VRK2: variants seen among roughly 807,000 people sequenced by gnomAD.
The protein encoded by VRK2 is serine/threonine-protein kinase VRK2.
Under a neutral mutation model 57.6 loss-of-function variants are expected in VRK2, and 60 were observed. The observed-to-expected ratio is 1.04, with a 90% CI of 0.85 to 1.29. The LOEUF is 1.29. Among genes scored for constraint, VRK2 ranks in the 50% most tolerant of loss-of-function variants. The pLI is 0.00. For synonymous variants in VRK2, 231 were observed against 199.2 expected, an observed-to-expected ratio of 1.16 and a Z score of -1.35; for missense variants, 705 against 588.1, an observed-to-expected ratio of 1.20 and a Z score of -2.06.
At chr2:58,031,068 T>G (rs1156728143) in intron 2 of VRK2, among the ~76,000 whole-genome samples, 4 of 152,214 alleles carry the variant, frequency 2.6e-5, no homozygotes, top group African/African-American at 7.2e-5. Flanking sequence ...ATTTTCCCTG[T>G]GCCCTTTTCA....
chr2:57,913,926 C>A (rs1358990062), intron 1 of VRK2, among the ~76,000 whole-genome samples: 1 of 151,908 alleles, frequency 6.6e-6, no homozygotes, highest in Non-Finnish European at 1.5e-5. Flanking sequence ...TAAAATGTAA[C>A]CACAATAAGT....
At chr2:58,076,040 A>C (rs1670054350) in intron 2 of VRK2, among the ~76,000 whole-genome samples, 1 of 151,098 alleles carries the variant, frequency 6.6e-6, no homozygotes, top group East Asian at 1.9e-4. Context: ...AGGACCTCCA[A>C]GCTCTTAATA....
At chr2:57,945,294 AT>A (rs1413678967) in intron 1 of VRK2, among the ~76,000 whole-genome samples, 1 of 152,138 alleles carries the variant, frequency 6.6e-6, no homozygotes. Flanking sequence ...GCCTCCTTAA[AT>A]TTCCATCATG....
intron 9 of VRK2, 42 bp from the exon 10 acceptor site, chr2:58,135,099 G>T (rs1320894928): frequency 3.1e-6 from 5 of 1,605,192 alleles, no homozygotes; most frequent in South Asian, 2.2e-5. Context: ...TAATCACAGG[G>T]TTGAAAACAT....
At chr2:57,948,362 G>A (rs1671324264) in intron 1 of VRK2, among the ~76,000 whole-genome samples, 1 of 152,124 alleles carries the variant, frequency 6.6e-6, no homozygotes, top group South Asian at 2.1e-4. Flanking sequence ...CCATTTATAA[G>A]CCATTTGGGG....
At chr2:58,014,986 C>A (rs1195982967) in intron 1 of VRK2, among the ~76,000 whole-genome samples, 1 of 152,048 alleles carries the variant, frequency 6.6e-6, no homozygotes, top group African/African-American at 2.4e-5. Context: ...ATTTCTGACC[C>A]TGAGAATTTT....
chr2:57,948,961 G>C (rs1313948749), intron 1 of VRK2, among the ~76,000 whole-genome samples: 1 of 151,982 alleles, frequency 6.6e-6, no homozygotes, highest in Non-Finnish European at 1.5e-5. Flanking sequence ...GCTAGAAAAG[G>C]GGCTGTGAAT....
At chr2:58,144,821 T>TAA (rs1681872561) in intron 11 of VRK2, among the ~76,000 whole-genome samples, 1 of 151,952 alleles carries the variant, frequency 6.6e-6, no homozygotes, top group African/African-American at 2.4e-5. Context: ...AGGCAGTGGT[T>TAA]TTGAGCTGGG....
intron 10 of VRK2, among the ~76,000 whole-genome samples, chr2:58,135,488 C>CTT (rs1158479517): frequency 2.0e-5 from 3 of 148,738 alleles, no homozygotes; most frequent in Non-Finnish European, 3.0e-5. Context: ...CATGCACAGG[C>CTT]TTAATAGTCA....
chr2:58,122,008 T>A (rs1413804211), intron 7 of VRK2, among the ~76,000 whole-genome samples: 1 of 152,242 alleles, frequency 6.6e-6, no homozygotes, highest in African/African-American at 2.4e-5. Context: ...CTTGAATTGC[T>A]ATCTGACTTT....
At chr2:58,105,188 A>T (rs1211650162) in intron 7 of VRK2, among the ~76,000 whole-genome samples, 1 of 152,010 alleles carries the variant, frequency 6.6e-6, no homozygotes, top group Non-Finnish European at 1.5e-5. Context: ...AAGCTTAAGC[A>T]ACAAAAATAG....
chr2:57,908,538 C>T (rs541337574), intron 1 of VRK2, among the ~76,000 whole-genome samples: 25 of 152,098 alleles, frequency 1.6e-4, no homozygotes, highest in Non-Finnish European at 2.6e-4. Context: ...AACTTGAGCT[C>T]CATCATTTCT....
At chr2:58,075,472 A>G (rs932875679) in intron 2 of VRK2, among the ~76,000 whole-genome samples, 1 of 152,144 alleles carries the variant, frequency 6.6e-6, no homozygotes, top group African/African-American at 2.4e-5. Flanking sequence ...ACTGTTTTCC[A>G]CAATGGCTGA....
chr2:58,112,771 G>A (rs990617320), intron 7 of VRK2, among the ~76,000 whole-genome samples: 14 of 152,210 alleles, frequency 9.2e-5, no homozygotes, highest in African/African-American at 3.4e-4. Context: ...CAGACTACTG[G>A]CCTCGGACAA....
chr2:57,986,674 C>T (rs1485210108), intron 1 of VRK2, among the ~76,000 whole-genome samples: 1 of 148,160 alleles, frequency 6.7e-6, no homozygotes, highest in East Asian at 2.0e-4. Flanking sequence ...TCTCAACTCA[C>T]TGCAACCTCT....
intron 3 of VRK2, among the ~76,000 whole-genome samples, chr2:58,038,986 C>G (rs1165815710): frequency 6.6e-6 from 1 of 152,132 alleles, no homozygotes; most frequent in South Asian, 2.1e-4. Context: ...TACATCTACA[C>G]TATGGAATAT....
chr2:58,147,597 G>T (rs981204478), intron 12 of VRK2, among the ~76,000 whole-genome samples: 12 of 151,678 alleles, frequency 7.9e-5, no homozygotes, highest in Non-Finnish European at 1.6e-4. Flanking sequence ...ATTCCTTTTT[G>T]GCTGTGGTGG....
At chr2:57,948,211 A>T (rs1671319834) in intron 1 of VRK2, among the ~76,000 whole-genome samples, 1 of 152,178 alleles carries the variant, frequency 6.6e-6, no homozygotes, top group Admixed American at 6.5e-5. Flanking sequence ...CCACCACTGA[A>T]ATATTATGTA....
At chr2:58,156,659 A>T (rs961851987) in intron 12 of VRK2, among the ~76,000 whole-genome samples, 1 of 151,990 alleles carries the variant, frequency 6.6e-6, no homozygotes, top group Non-Finnish European at 1.5e-5. Context: ...TGTTAAACCT[A>T]GCCAATGAAT....
Sources: allele counts gnomAD v4.1 joint callset (sites outside exome capture counted in the v4.1 genomes callset), GRCh38; gene constraint gnomAD v4.1.1; transcripts MANE v1.5; gene names NCBI Gene and HGNC (gene_info 2026-07-23, HGNC 2026-07-21).